Variants in PDE7B observed in about 807,000 individuals in gnomAD.
The protein encoded by PDE7B is phosphodiesterase 7B.
A neutral mutation model predicts 56.2 loss-of-function variants in PDE7B; 29 were observed. That is an observed-to-expected ratio of 0.52 (90% CI 0.38 to 0.70). The LOEUF (loss-of-function observed/expected upper bound fraction) is 0.70, where lower values mean the gene tolerates loss of function less well. Ranked by LOEUF, PDE7B falls within the 30% of genes least tolerant of loss-of-function variation. PDE7B has a pLI of 0.00. For missense variants in PDE7B, 490 were observed against 565.0 expected, an observed-to-expected ratio of 0.87 and a Z score of 1.35; for synonymous variants, 197 against 196.9, an observed-to-expected ratio of 1.00 and a Z score of 0.00.
intron 2 of PDE7B, among the ~76,000 whole-genome samples, chr6:136,015,287 G>C (rs1451978680): frequency 1.3e-5 from 2 of 152,168 alleles, no homozygotes; most frequent in Non-Finnish European, 2.9e-5. Flanking sequence ...TTTTATTTTT[G>C]CTTGCGCAGG....
At chr6:135,935,219 TTC>T (rs1405668340) in intron 1 of PDE7B, among the ~76,000 whole-genome samples, 5 of 101,814 alleles carry the variant, frequency 4.9e-5, no homozygotes, top group African/African-American at 1.6e-4. Flanking sequence ...TATATATATT[TTC>T]ATGATTCTTG....
At chr6:135,942,434 G>A (rs902424631) in intron 1 of PDE7B, among the ~76,000 whole-genome samples, 1 of 151,998 alleles carries the variant, frequency 6.6e-6, no homozygotes, top group Non-Finnish European at 1.5e-5. Flanking sequence ...GTACATTGTG[G>A]AATGGCTAAA....
intron 1 of PDE7B, among the ~76,000 whole-genome samples, chr6:135,939,394 T>C (rs746060238): frequency 7.9e-5 from 12 of 152,184 alleles, no homozygotes; most frequent in Non-Finnish European, 1.8e-4. Flanking sequence ...TTGCTGGAGA[T>C]CTGCACTGAC....
chr6:135,998,239 A>T (rs778153808), intron 2 of PDE7B, among the ~76,000 whole-genome samples: 16 of 152,170 alleles, frequency 1.1e-4, no homozygotes, highest in Non-Finnish European at 1.8e-4. Flanking sequence ...GTTCACTATT[A>T]TTCTTTCTGC....
chr6:136,032,621 C>T (rs917077017), intron 2 of PDE7B, among the ~76,000 whole-genome samples: 1 of 152,140 alleles, frequency 6.6e-6, no homozygotes, highest in Non-Finnish European at 1.5e-5. Flanking sequence ...CCTGCATTCT[C>T]GCTGGGGAAC....
chr6:136,049,715 C>T (rs1776591479), intron 2 of PDE7B, among the ~76,000 whole-genome samples: 1 of 152,034 alleles, frequency 6.6e-6, no homozygotes, highest in Admixed American at 6.6e-5. Context: ...CAAAGAAGCA[C>T]AGGAAATGAT....
At chr6:136,183,842 G>A (rs1363469695) in intron 11 of PDE7B, among the ~76,000 whole-genome samples, 1 of 151,994 alleles carries the variant, frequency 6.6e-6, no homozygotes, top group Non-Finnish European at 1.5e-5. Flanking sequence ...ATGATGTTAA[G>A]CAAAGGAAAA....
At chr6:136,078,857 T>C (rs1303660196) in intron 2 of PDE7B, among the ~76,000 whole-genome samples, 1 of 152,158 alleles carries the variant, frequency 6.6e-6, no homozygotes, top group Non-Finnish European at 1.5e-5. Context: ...TACAAGTATT[T>C]TAAATAAACC....
At chr6:135,964,029 A>G (rs1353150500) in intron 2 of PDE7B, among the ~76,000 whole-genome samples, 1 of 151,960 alleles carries the variant, frequency 6.6e-6, no homozygotes, top group Non-Finnish European at 1.5e-5. Context: ...CATCTAGTTC[A>G]TTGTTCTCTC....
intron 6 of PDE7B, 49 bp from the exon 7 acceptor site, chr6:136,154,026 C>G: frequency 1.6e-6 from 2 of 1,235,228 alleles, no homozygotes; most frequent in East Asian, 4.7e-5. Flanking sequence ...AGCTAGTATA[C>G]CACTCCTATT....
rs954597442 is a variant in PDE7B, at chr6:136,037,986, A to G, written c.83-70745A>G. On this transcript the variant is annotated intron_variant, in intron 2 of 12. Coordinates refer to ENST00000308191, the MANE Select transcript of PDE7B (RefSeq NM_018945.4). The stretch of plus-strand genomic sequence containing the variant: ...GAGGAGGGGAAAAAAAATGCATTCT[A>G]TCTCTAAGGAAGGAGTACAGTAACA... The G allele has an allele frequency of 9.8e-5, 122 of 1,242,052 alleles. 4 individuals carry two copies. The South Asian group carries it at 1.2e-3, about 12-fold the overall frequency. The allele number at this position is 1,242,052 out of a possible 1,614,324, so 76.9% of individuals were successfully genotyped here. A position where few individuals can be genotyped will look rare whatever the true frequency, so the allele number is the denominator to read the frequency against.
chr6:136,194,104 C>T lies in PDE7B; in HGVS notation c.*2264C>T, dbSNP rs1292850008. ...TATTCCTACTTCCAAACCTGTCTTA[C>T]TTTGGTTTGATGGTACACATAGGGC... On this transcript the variant is annotated 3_prime_UTR_variant, in exon 13 of 13. Coordinates refer to ENST00000308191, the MANE Select transcript of PDE7B (RefSeq NM_018945.4). The T allele has an allele frequency of 1.3e-5, 2 of 152,026 alleles. No homozygotes were observed. Among genetic ancestry groups the T allele is most frequent in the Admixed American group, 1.3e-4 (2 of 15,272 alleles). The allele number at this position is 152,026 out of a possible 1,614,324, so 9.4% of individuals were successfully genotyped here. A position where few individuals can be genotyped will look rare whatever the true frequency, so the allele number is the denominator to read the frequency against.
At chr6:136,180,409 A>G (rs915985174) in intron 10 of PDE7B, among the ~76,000 whole-genome samples, 1 of 152,120 alleles carries the variant, frequency 6.6e-6, no homozygotes, top group Non-Finnish European at 1.5e-5. Context: ...GGCTTCTCTG[A>G]CACTTACCTC....
chr6:135,925,783 A>G (rs1774173040), intron 1 of PDE7B, among the ~76,000 whole-genome samples: 1 of 152,210 alleles, frequency 6.6e-6, no homozygotes, highest in South Asian at 2.1e-4. Context: ...CTTTTCAAAA[A>G]TAGTGTTTCT....
At chr6:135,860,167 C>T (rs548213479) in intron 1 of PDE7B, among the ~76,000 whole-genome samples, 1 of 151,938 alleles carries the variant, frequency 6.6e-6, no homozygotes, top group Non-Finnish European at 1.5e-5. Flanking sequence ...CCTGTTAGAT[C>T]GGGATTTGTT....
chr6:136,024,120 A>C (rs909949777), intron 2 of PDE7B, among the ~76,000 whole-genome samples: 2 of 152,202 alleles, frequency 1.3e-5, no homozygotes, highest in African/African-American at 4.8e-5. Flanking sequence ...GGGTTTCTAG[A>C]GATTTAGGGA....
At chr6:135,929,249 ATT>A (rs886227849) in intron 1 of PDE7B, among the ~76,000 whole-genome samples, 21 of 149,574 alleles carry the variant, frequency 1.4e-4, no homozygotes, top group African/African-American at 5.1e-4. Flanking sequence ...GTTACATCAT[ATT>A]TTTTTTTTAC....
chr6:136,156,014 C>A, intron 8 of PDE7B: 1 of 573,042 alleles, frequency 1.7e-6, no homozygotes, highest in South Asian at 1.7e-5. Context: ...TTTTTAAAAT[C>A]TCTAAAGAGT....
intron 2 of PDE7B, among the ~76,000 whole-genome samples, chr6:135,977,444 TCAAA>T (rs142810979): frequency 0.03 from 4,640 of 152,204 alleles, 208 homozygotes; most frequent in African/African-American, 0.099. Context: ...AGAAAACTAC[TCAAA>T]CAGTCTGCTT....
Sources: allele counts gnomAD v4.1 joint callset (sites outside exome capture counted in the v4.1 genomes callset), GRCh38; gene constraint gnomAD v4.1.1; transcripts MANE v1.5; gene names NCBI Gene and HGNC (gene_info 2026-07-23, HGNC 2026-07-21).